LRP1B: variants seen among roughly 807,000 people sequenced by gnomAD.
LRP1B encodes LDL receptor related protein 1B, also known as low-density lipoprotein receptor-related protein 1B.
In LRP1B, 217 loss-of-function variants were observed where a neutral mutation model predicts 556.6. The observed-to-expected ratio is 0.39, with a 90% CI of 0.35 to 0.44. LRP1B has a LOEUF of 0.44. LRP1B is among the 20% of genes least tolerant of loss of function. The pLI, the probability that LRP1B is intolerant of heterozygous loss-of-function variation, is 1.00. For missense variants in LRP1B, 5,053 were observed against 5,620.8 expected (o/e 0.90, Z 3.23); for synonymous variants, 2,047 against 1,865.8 (o/e 1.10, Z -2.50).
At chr2:141,319,156 G>A (rs1408629123) in intron 3 of LRP1B, among the ~76,000 whole-genome samples, 1 of 151,902 alleles carries the variant, frequency 6.6e-6, no homozygotes, top group East Asian at 1.9e-4. Flanking sequence ...TTTGAGTAAA[G>A]CAAACACATA....
intron 18 of LRP1B, among the ~76,000 whole-genome samples, chr2:140,966,698 C>A (rs1696233379): frequency 6.6e-6 from 1 of 152,084 alleles, no homozygotes; most frequent in Admixed American, 6.6e-5. Context: ...AGTCTTTAAC[C>A]CCTCTTGAAT....
intron 2 of LRP1B, among the ~76,000 whole-genome samples, chr2:141,601,551 C>T (rs1310214218): frequency 6.6e-6 from 1 of 152,036 alleles, no homozygotes; most frequent in East Asian, 1.9e-4. Context: ...ATACTTGCCA[C>T]TTCTAGACTA....
intron 2 of LRP1B, among the ~76,000 whole-genome samples, chr2:141,665,851 G>A (rs751438363): frequency 5.3e-5 from 8 of 152,122 alleles, no homozygotes; most frequent in Non-Finnish European, 1.2e-4. Context: ...TTGATTTTCT[G>A]CCATTTCTAC....
intron 6 of LRP1B, among the ~76,000 whole-genome samples, chr2:141,208,578 T>A (rs1463618051): frequency 6.6e-6 from 1 of 151,714 alleles, no homozygotes; most frequent in Non-Finnish European, 1.5e-5. Context: ...TAAAAAGGGA[T>A]GGGAGTGGCT....
At chr2:140,634,490 T>G (rs768847945) in intron 41 of LRP1B, among the ~76,000 whole-genome samples, 4 of 152,122 alleles carry the variant, frequency 2.6e-5, no homozygotes, top group Non-Finnish European at 5.9e-5. Flanking sequence ...CCTTACTCCT[T>G]AGATGTGGAC....
chr2:142,031,608 CA>C (rs1703712312), intron 1 of LRP1B, among the ~76,000 whole-genome samples: 1 of 144,970 alleles, frequency 6.9e-6, no homozygotes, highest in East Asian at 2.0e-4. Context: ...GACATATTGT[CA>C]ACTAAAAAAA....
At chr2:142,092,715 GA>G (rs796068993) in intron 1 of LRP1B, among the ~76,000 whole-genome samples, 22 of 151,768 alleles carry the variant, frequency 1.4e-4, no homozygotes, top group Non-Finnish European at 2.8e-4. Flanking sequence ...ATAGTTCAGT[GA>G]AAAAAACTCT....
At chr2:142,112,799 T>C (rs1440678851) in intron 1 of LRP1B, among the ~76,000 whole-genome samples, 2 of 152,112 alleles carry the variant, frequency 1.3e-5, no homozygotes, top group East Asian at 3.9e-4. Context: ...GATTGAGGCA[T>C]TGAATATGTA....
intron 1 of LRP1B, among the ~76,000 whole-genome samples, chr2:142,012,903 C>T (rs1407676056): frequency 2.6e-5 from 4 of 152,114 alleles, no homozygotes; most frequent in Non-Finnish European, 1.5e-5. Context: ...TTTAACCTCT[C>T]ATCTGTCAAA....
At chr2:140,572,794 C>T (rs367748399) in intron 43 of LRP1B, among the ~76,000 whole-genome samples, 1 of 19,388 alleles carries the variant, frequency 5.2e-5, no homozygotes, top group East Asian at 1.9e-3. Context: ...TACTATTCAG[C>T]CATAAAATAA....
chr2:141,872,253 T>A (rs901292006), intron 1 of LRP1B, among the ~76,000 whole-genome samples: 1 of 151,920 alleles, frequency 6.6e-6, no homozygotes, highest in African/African-American at 2.4e-5. Flanking sequence ...GAATGTGAAA[T>A]TCAGACTATC....
chr2:141,310,103 A>G (rs1686755153), intron 3 of LRP1B, among the ~76,000 whole-genome samples: 1 of 152,310 alleles, frequency 6.6e-6, no homozygotes, highest in Middle Eastern at 3.4e-3. Context: ...TTTAAAGAAT[A>G]TTGTATGTAT....
intron 5 of LRP1B, among the ~76,000 whole-genome samples, 178 bp from the exon 6 acceptor site, chr2:141,229,618 GA>G (rs1259621358): frequency 6.6e-6 from 1 of 151,220 alleles, no homozygotes; most frequent in Admixed American, 6.6e-5. Context: ...GTACTTCTCT[GA>G]AAAAAAAATT....
chr2:141,598,376 A>T (rs13426117), intron 2 of LRP1B, among the ~76,000 whole-genome samples: 3,812 of 152,208 alleles, frequency 0.025, 89 homozygotes, highest in South Asian at 0.066. Context: ...TTAATTTTTT[A>T]AAAAAGTAAA....
intron 2 of LRP1B, among the ~76,000 whole-genome samples, chr2:141,508,089 C>CCCA (rs1683996644): frequency 9.7e-5 from 2 of 20,718 alleles, no homozygotes; most frequent in South Asian, 8.3e-4. Context: ...CCATCCCCCC[C>CCCA]CCAAAAAAAA....
At chr2:141,429,330 G>GT (rs1407006321) in intron 3 of LRP1B, among the ~76,000 whole-genome samples, 1 of 151,986 alleles carries the variant, frequency 6.6e-6, no homozygotes, top group Non-Finnish European at 1.5e-5. Context: ...GCACTCCCAA[G>GT]TAATAAAGTC....
intron 23 of LRP1B, 80 bp downstream of exon 23, chr2:140,902,840 A>T: frequency 1.4e-6 from 2 of 1,459,980 alleles, no homozygotes; most frequent in Non-Finnish European, 1.9e-6. Context: ...CCTTTCATTA[A>T]TTTTCTGAAG....
chr2:140,648,092 T>C lies in LRP1B; in HGVS notation c.6800-46453A>G, dbSNP rs567379567. Among the ~76,000 whole-genome samples, 39 of 152,254 alleles carry C rather than the reference T, an allele frequency of 2.6e-4. 2 individuals carry two copies. The East Asian group carries it at 7.1e-3, about 28-fold the overall frequency. ...AAGAAAATGTGGCACATATATACCA[T>C]GGAATACTATGCAGCCATAGAAAAG... On this transcript the variant is annotated intron_variant, in intron 41 of 90. Transcript: ENST00000389484.
chr2:140,699,557 T>G (rs1212759216), intron 41 of LRP1B, among the ~76,000 whole-genome samples: 1 of 151,528 alleles, frequency 6.6e-6, no homozygotes, highest in African/African-American at 2.4e-5. Context: ...ACTGGAAGAA[T>G]GGGAAATATA....
Sources: allele counts gnomAD v4.1 joint callset (sites outside exome capture counted in the v4.1 genomes callset), GRCh38; gene constraint gnomAD v4.1.1; transcripts MANE v1.5; gene names NCBI Gene and HGNC (gene_info 2026-07-23, HGNC 2026-07-21).